The following PTPRK variants were observed in gnomAD, a reference collection of about 807,000 sequenced individuals.
PTPRK encodes receptor-type tyrosine-protein phosphatase kappa.
In PTPRK, 75 loss-of-function variants were observed where a neutral mutation model predicts 178.0. The ratio of observed to expected loss-of-function variants is 0.42; its 90% CI spans 0.35 to 0.51. The LOEUF is 0.51. PTPRK is among the 20% of genes least tolerant of loss of function. PTPRK has a pLI of 0.02. For missense variants in PTPRK, 1,441 were observed against 1,797.8 expected, an observed-to-expected ratio of 0.80 and a Z score of 3.59; for synonymous variants, 637 against 620.6, an observed-to-expected ratio of 1.03 and a Z score of -0.39.
chr6:128,123,233 G>T (rs2114409277), intron 7 of PTPRK, among the ~76,000 whole-genome samples: 1 of 152,202 alleles, frequency 6.6e-6, no homozygotes, highest in Admixed American at 6.5e-5. Flanking sequence ...AAAAGGCAAG[G>T]GAGCATTGTC....
intron 7 of PTPRK, among the ~76,000 whole-genome samples, chr6:128,101,159 T>C (rs1788709667): frequency 6.6e-6 from 1 of 152,076 alleles, no homozygotes; most frequent in East Asian, 1.9e-4. Context: ...GTAAAAGAAC[T>C]GGGAGATTAT....
At chr6:128,396,337 ATATAT>A (rs1310688276) in intron 2 of PTPRK, among the ~76,000 whole-genome samples, 3 of 148,488 alleles carry the variant, frequency 2.0e-5, no homozygotes, top group African/African-American at 4.9e-5. Context: ...CATAATGATA[ATATAT>A]TATATATACA....
intron 21 of PTPRK, 43 bp downstream of exon 21, chr6:127,990,726 A>G: frequency 7.9e-7 from 1 of 1,260,462 alleles, no homozygotes; most frequent in African/African-American, 1.5e-5. Context: ...GAGAAAAAGC[A>G]GTTTTGATAT....
At chr6:128,059,097 GAA>G (rs1434166580) in intron 13 of PTPRK, among the ~76,000 whole-genome samples, 2 of 151,994 alleles carry the variant, frequency 1.3e-5, no homozygotes, top group African/African-American at 4.8e-5. Flanking sequence ...TAACATCCAG[GAA>G]CTGTATTTTA....
chr6:127,974,025 C>G (rs1363822479), intron 27 of PTPRK, among the ~76,000 whole-genome samples, 198 bp from the exon 28 acceptor site: 1 of 152,190 alleles, frequency 6.6e-6, no homozygotes, highest in East Asian at 1.9e-4. Context: ...TCCTTTATAC[C>G]TGTTTCTCCC....
chr6:128,213,752 C>T (rs948537780), intron 6 of PTPRK, among the ~76,000 whole-genome samples: 1 of 151,982 alleles, frequency 6.6e-6, no homozygotes, highest in Non-Finnish European at 1.5e-5. Flanking sequence ...TATATAAAAA[C>T]ACCAAAAAAA....
intron 3 of PTPRK, among the ~76,000 whole-genome samples, chr6:128,299,618 C>G (rs1009128089): frequency 1.9e-3 from 280 of 150,774 alleles, no homozygotes; most frequent in East Asian, 0.01. Flanking sequence ...ACAAGCAATG[C>G]GGAAAGGATT....
At chr6:127,983,095 A>G in intron 23 of PTPRK, 115 bp from the exon 24 acceptor site, 1 of 1,298,474 alleles carries the variant, frequency 7.7e-7, no homozygotes, top group East Asian at 2.5e-5. Flanking sequence ...TAAAACACCA[A>G]TATTTTTCTA....
chr6:128,289,940 G>T (rs1254664843), intron 3 of PTPRK, among the ~76,000 whole-genome samples: 1 of 152,016 alleles, frequency 6.6e-6, no homozygotes, highest in Non-Finnish European at 1.5e-5. Context: ...GCAAAAAATG[G>T]CACTACATTT....
intron 3 of PTPRK, among the ~76,000 whole-genome samples, chr6:128,303,428 G>A (rs1825930368): frequency 6.6e-6 from 1 of 152,184 alleles, no homozygotes; most frequent in South Asian, 2.1e-4. Context: ...CGGCCCCATA[G>A]GTGAGAAGTA....
intron 6 of PTPRK, among the ~76,000 whole-genome samples, chr6:128,207,094 A>G (rs1807118538): frequency 6.6e-6 from 1 of 152,132 alleles, no homozygotes; most frequent in Non-Finnish European, 1.5e-5. Context: ...CAACAGGTAG[A>G]TGGTGTGCTC....
At chr6:128,049,337 T>C (rs961569936) in intron 13 of PTPRK, among the ~76,000 whole-genome samples, 7 of 152,164 alleles carry the variant, frequency 4.6e-5, no homozygotes, top group Admixed American at 6.5e-5. Context: ...CATAAACAGA[T>C]TACAATACTT....
At position 128,483,212 on chromosome 6, in the gene PTPRK, T is replaced by C. The variant is rs540965422; in HGVS notation, c.100+37047A>G. ...TCTACAACTTTTTTTATCCAACAAA[T>C]TCATTTACATCTTGTTTCTACCACT... On this transcript the variant is annotated intron_variant, in intron 1 of 29. Transcript: ENST00000368226. 2.6e-5 allele frequency among the ~76,000 whole-genome samples: 4 copies of C among 152,250 alleles called. No individual in the cohort carries two copies. The South Asian group carries it at 8.3e-4, about 32-fold the overall frequency.
chr6:128,415,881 G>T (rs749387618), intron 1 of PTPRK, among the ~76,000 whole-genome samples: 1 of 151,950 alleles, frequency 6.6e-6, no homozygotes, highest in Non-Finnish European at 1.5e-5. Flanking sequence ...CTATATATAC[G>T]ATAAAAATGG....
chr6:128,093,370 G>C lies in PTPRK; in HGVS notation c.1163-3378C>G, dbSNP rs2115033526. On this transcript the variant is annotated intron_variant, in intron 7 of 29. Transcript: ENST00000368226. ...GCAGTTTGGGAGGCCATGGTGGGCA[G>C]ATGGCCTGAGCTCAGGAGCTCGAGA... is the stretch of plus-strand genomic sequence containing the variant. Among the ~76,000 whole-genome samples the C allele has an allele frequency of 2.0e-5, 3 of 152,058 alleles. No individual in the cohort carries two copies. The Middle Eastern group carries it at 0.01, about 517-fold the overall frequency.
intron 7 of PTPRK, among the ~76,000 whole-genome samples, chr6:128,107,769 T>C (rs998859734): frequency 6.6e-6 from 1 of 152,192 alleles, no homozygotes; most frequent in Non-Finnish European, 1.5e-5. Context: ...GTGTCTCTAA[T>C]AGAAAACTTG....
At chr6:128,162,203 CCT>C (rs1798806150) in intron 7 of PTPRK, among the ~76,000 whole-genome samples, 1 of 151,552 alleles carries the variant, frequency 6.6e-6, no homozygotes, top group Non-Finnish European at 1.5e-5. Context: ...AGCAGATGAA[CCT>C]TTTTTTATAT....
intron 5 of PTPRK, among the ~76,000 whole-genome samples, chr6:128,224,376 T>C (rs1810920429): frequency 6.6e-6 from 1 of 152,154 alleles, no homozygotes; most frequent in African/African-American, 2.4e-5. Context: ...AGCTTCATCA[T>C]GCACAGTGCA....
chr6:128,290,432 G>A (rs948244770), intron 3 of PTPRK, among the ~76,000 whole-genome samples: 4 of 152,042 alleles, frequency 2.6e-5, no homozygotes, highest in African/African-American at 9.7e-5. Context: ...AGTATCCACT[G>A]ATGACATACA....
Sources: gnomAD v4.1 joint callset for allele counts (sites outside exome capture counted in the v4.1 genomes callset) on GRCh38, gnomAD v4.1.1 for gene constraint, MANE v1.5 for transcripts, NCBI Gene and HGNC (gene_info 2026-07-23, HGNC 2026-07-21) for gene names.